Variants in TMCC2 observed in about 807,000 individuals in gnomAD.
TMCC2 encodes the protein transmembrane and coiled-coil domains protein 2.
In TMCC2, 16 loss-of-function variants were observed where a neutral mutation model predicts 49.4. The ratio of observed to expected loss-of-function variants is 0.32; its 90% CI spans 0.22 to 0.49. TMCC2 has a LOEUF of 0.49. TMCC2 is among the 20% of genes least tolerant of loss of function. TMCC2 has a pLI of 0.99. For synonymous variants in TMCC2, 397 were observed against 434.1 expected (o/e 0.91, Z 1.06); for missense variants, 762 against 989.8 (o/e 0.77, Z 3.09).
intron 2 of TMCC2, among the ~76,000 whole-genome samples, chr1:205,260,638 C>T (rs1409416138): frequency 1.3e-5 from 2 of 152,150 alleles, no homozygotes; most frequent in Non-Finnish European, 2.9e-5. Context: ...TTCAGCAACC[C>T]CAAGGAAACC....
In TMCC2 at chr1:205,264,052, G is replaced by A. The variant is rs1432388188; in HGVS notation, c.748-4898G>A. On this transcript the variant is annotated intron_variant, in intron 2 of 4. Transcript: ENST00000358024. The surrounding 1 kb of genome is among the most constrained non-coding windows in gnomAD (Gnocchi z 4.2). ...CTACCCATCTTGTGAGGTTAATACT[G>A]GGATTAAATGAATTAATAGGTGTAA... 6.6e-6 allele frequency among the ~76,000 whole-genome samples: 1 copy of A among 152,218 alleles called. No individual in the cohort carries two copies. Among genetic ancestry groups the A allele is most frequent in the Non-Finnish European group, 1.5e-5 (1 of 68,038 alleles).
In TMCC2 at chr1:205,272,007, C is replaced by T. The variant is rs1014933046; in HGVS notation, c.2013C>T (p.Leu671=). 2.5e-6 allele frequency: 4 copies of T among 1,614,232 alleles called. No homozygotes were observed. The African/African-American group carries it at 4.0e-5, about 16-fold the overall frequency. The part of the protein sequence containing the change: ...VSTIANFITP[L]MKTRLRITST... ...CCATCGCCAACTTCATCACGCCCCT[C>T]ATGAAGACACGCCTGCGCATCACCA... Residue 671 remains leucine, a synonymous_variant, in exon 5 of 5, where the codon CTC becomes CTT. Coordinates refer to ENST00000358024, the MANE Select transcript of TMCC2 (RefSeq NM_014858.4).
At chr1:205,271,003 G>A in intron 3 of TMCC2, 117 bp from the exon 4 acceptor site, 1 of 1,414,524 alleles carries the variant, frequency 7.1e-7, no homozygotes, top group Non-Finnish European at 9.6e-7. Flanking sequence ...ACAGAGCAGA[G>A]CTGGACACGG....
chr1:205,266,967 G>C (rs900020255), intron 2 of TMCC2, among the ~76,000 whole-genome samples: 1 of 152,250 alleles, frequency 6.6e-6, no homozygotes, highest in Non-Finnish European at 1.5e-5. Flanking sequence ...TGCAGGTTAG[G>C]GTTTTAAGTC....
chr1:205,252,885 C>A (rs916659207), intron 2 of TMCC2, among the ~76,000 whole-genome samples: 2 of 151,026 alleles, frequency 1.3e-5, no homozygotes, highest in African/African-American at 4.9e-5. Flanking sequence ...ATTTGGGAGG[C>A]CAAGGCAGGA....
chr1:205,235,261 G>C (rs1659992359), intron 1 of TMCC2, among the ~76,000 whole-genome samples: 1 of 152,070 alleles, frequency 6.6e-6, no homozygotes, highest in Non-Finnish European at 1.5e-5. Context: ...GTGACCGATG[G>C]GAAAGCATGT....
At position 205,271,809 on chromosome 1, in the gene TMCC2, G is replaced by T. The variant is rs758109836; in HGVS notation, c.1819-4G>T. On this transcript the variant is annotated splice_region_variant and splice_polypyrimidine_tract_variant and intron_variant, in intron 4 of 4. Transcript: ENST00000358024. The stretch of plus-strand genomic sequence containing the variant: ...CACACATGCCAGCCCCTCTGCCCCT[G>T]CAGGAGGCCGTGGAGTCCTGCCTGA... 1.2e-6 allele frequency: 2 copies of T among 1,607,850 alleles called. No homozygotes were observed. The highest frequency in any genetic ancestry group is 2.2e-5 in the East Asian group (1 of 44,822).
rs150115116 is a variant in TMCC2, at chr1:205,247,404, G to C, written c.747+5360G>C. Among the ~76,000 whole-genome samples, 238 of 152,296 alleles carry C rather than the reference G, an allele frequency of 1.6e-3. 1 individual carries two copies. The highest frequency in any genetic ancestry group is 2.5e-3 in the Non-Finnish European group (173 of 68,012). ...ATGGAGAGCAGGTTTGCCTCAGCCC[G>C]AGTGGGATGATTTTATCTCTTGGTT... On this transcript the variant is annotated intron_variant, in intron 2 of 4. Transcript: ENST00000358024.
chr1:205,252,137 GC>G (rs1660693877), intron 2 of TMCC2, among the ~76,000 whole-genome samples: 1 of 152,186 alleles, frequency 6.6e-6, no homozygotes, highest in Non-Finnish European at 1.5e-5. Flanking sequence ...ATTTTGATTT[GC>G]CTAAAAGTGA....
chr1:205,230,495 G>A lies in TMCC2; in HGVS notation c.207+1724G>A, dbSNP rs532881692. ...TAGTTCCTGTTTTAAGTGAGATGGT[G>A]AGGGGGAAGGGGTCTCTTGAATGCT... On this transcript the variant is annotated intron_variant, in intron 1 of 4. Coordinates refer to ENST00000358024, the MANE Select transcript of TMCC2 (RefSeq NM_014858.4). Among the ~76,000 whole-genome samples the A allele has an allele frequency of 8.5e-5, 13 of 152,264 alleles. No individual in the cohort carries two copies. In the Middle Eastern group the frequency reaches 0.01, roughly 120 times the overall value.
At chr1:205,257,201 G>A in intron 2 of TMCC2, 1 of 1,232,462 alleles carries the variant, frequency 8.1e-7, no homozygotes, top group Non-Finnish European at 1.0e-6. Flanking sequence ...GCCTCAGTCT[G>A]GAGATGGCGG....
chr1:205,238,170 T>G (rs1288701394), intron 1 of TMCC2, among the ~76,000 whole-genome samples: 2 of 152,108 alleles, frequency 1.3e-5, no homozygotes, highest in East Asian at 3.9e-4. Flanking sequence ...GCGGCTAAGT[T>G]CCCTTAAGCT....
In TMCC2 at chr1:205,271,410, G is replaced by A; in HGVS notation, c.1818+155G>A. 3 of 1,244,888 alleles carry A rather than the reference G, an allele frequency of 2.4e-6. No individual in the cohort carries two copies. In the South Asian group the frequency reaches 4.0e-5, roughly 17 times the overall value. 77.1% of individuals were successfully genotyped at this position (1,244,888 alleles called of 1,614,324 possible). ...ATGGATGAAGAGGGCAGCGTAGCGG[G>A]AGCGGAGTGGAGTGAGCAAGACAGG... On this transcript the variant is annotated intron_variant, in intron 4 of 4. Coordinates refer to ENST00000358024, the MANE Select transcript of TMCC2 (RefSeq NM_014858.4).
At chr1:205,229,058 C>A in intron 1 of TMCC2, 1 of 1,264,520 alleles carries the variant, frequency 7.9e-7, no homozygotes, top group Non-Finnish European at 1.0e-6. Context: ...TATTCGCAGA[C>A]AAAGGGCTGG....
chr1:205,259,920 G>T (rs1224427721), intron 2 of TMCC2, among the ~76,000 whole-genome samples: 3 of 152,232 alleles, frequency 2.0e-5, no homozygotes, highest in Non-Finnish European at 2.9e-5. Flanking sequence ...AATAGGGAAA[G>T]TTGGGTCTTG....
intron 2 of TMCC2, among the ~76,000 whole-genome samples, chr1:205,249,076 G>A (rs1168790150): frequency 1.3e-5 from 2 of 152,176 alleles, no homozygotes; most frequent in East Asian, 3.9e-4. Flanking sequence ...TTGAGAGCAG[G>A]CAGGAAGGAA....
At position 205,232,994 on chromosome 1, in the gene TMCC2, G is replaced by GA. The variant is rs36013713; in HGVS notation, c.207+4239dup. Among the ~76,000 whole-genome samples the GA allele has an allele frequency of 3.4e-3, 353 of 105,318 alleles. 2 individuals are homozygous for GA. The highest frequency in any genetic ancestry group is 0.025 in the East Asian group (89 of 3,544). 69.1% of individuals were successfully genotyped at this position (105,318 alleles called of 152,430 possible). On this transcript the variant is annotated intron_variant, in intron 1 of 4. Transcript: ENST00000358024. The stretch of plus-strand genomic sequence containing the variant: ...AACACACACACAAAAAACAACAACC[G>GA]AAAAAAAAAAAAAAAACCACAACGT...
chr1:205,259,641 C>T (rs978562805), intron 2 of TMCC2, among the ~76,000 whole-genome samples: 2 of 152,180 alleles, frequency 1.3e-5, no homozygotes, highest in African/African-American at 2.4e-5. Flanking sequence ...GAGGAAGCAC[C>T]GGTGTCCCAT....
chr1:205,250,554 A>G (rs1574847764), intron 2 of TMCC2, among the ~76,000 whole-genome samples: 1 of 152,220 alleles, frequency 6.6e-6, no homozygotes, highest in Admixed American at 6.5e-5. Flanking sequence ...AAAAAGAAAA[A>G]AAAGAAAATA....
Sources: allele counts gnomAD v4.1 joint callset (sites outside exome capture counted in the v4.1 genomes callset), GRCh38; gene constraint gnomAD v4.1.1; non-coding constraint Gnocchi (gnomAD v3.1); transcripts MANE v1.5; gene names NCBI Gene and HGNC (gene_info 2026-07-23, HGNC 2026-07-21).